Variants in MTMR9 observed in about 807,000 individuals in gnomAD.
The protein encoded by MTMR9 is myotubularin-related protein 9.
In MTMR9, 39 loss-of-function variants were observed where a neutral mutation model predicts 69.5. That is an observed-to-expected ratio of 0.56 (90% CI 0.43 to 0.73). The LOEUF (loss-of-function observed/expected upper bound fraction) is 0.73. Among genes scored for constraint, MTMR9 ranks in the 30% least tolerant of loss-of-function variants. The pLI is 0.00. For synonymous variants in MTMR9, 354 were observed against 240.8 expected, an observed-to-expected ratio of 1.47 and a Z score of -4.35; for missense variants, 900 against 671.2, an observed-to-expected ratio of 1.34 and a Z score of -3.77.
At position 11,284,948 on chromosome 8, in the gene MTMR9, T is replaced by A; in HGVS notation, c.60T>A (p.Pro20=). The change falls in exon 1 of 10, where the codon CCT becomes CCA. Residue 20 remains proline, a synonymous_variant. Transcript: ENST00000221086. ...TGGACAATGTGGTGCTGCACCGGCC[T>A]TTCTACCCGGCTGTCGAGGGCACCC... ...PRVDNVVLHR[P]FYPAVEGTLC... is the part of the protein sequence containing the mutation. 2.5e-6 allele frequency: 4 copies of A among 1,613,888 alleles called. No individual in the cohort carries two copies. The highest frequency in any genetic ancestry group is 3.4e-6 in the Non-Finnish European group (4 of 1,179,934).
At chr8:11,303,548 T>A (rs979729256) in intron 3 of MTMR9, among the ~76,000 whole-genome samples, 1 of 152,116 alleles carries the variant, frequency 6.6e-6, no homozygotes, top group Non-Finnish European at 1.5e-5. Flanking sequence ...AATTAATTAT[T>A]TTTTGAAACA....
At chr8:11,331,569 G>A (rs774691176), downstream of MTMR9, 26 of 1,613,712 alleles carry the variant, frequency 1.6e-5, no homozygotes, top group Middle Eastern at 1.6e-4. Context: ...CCAGGGTCTC[G>A]GTGGCTACGA....
At chr8:11,291,559 C>G (rs1052093850) in intron 1 of MTMR9, among the ~76,000 whole-genome samples, 1 of 151,970 alleles carries the variant, frequency 6.6e-6, no homozygotes, top group Non-Finnish European at 1.5e-5. Context: ...GCCCACTGTT[C>G]TATAAGTAAC....
Position 11,319,782 on chromosome 8 carries a change from C to G in MTMR9, c.1430C>G (p.Ala477Gly), listed in dbSNP as rs1207281756. 2 of 1,614,170 alleles carry G rather than the reference C, an allele frequency of 1.2e-6. No homozygotes were observed. The highest frequency in any genetic ancestry group is 1.3e-5 in the African/African-American group (1 of 75,042). Reference protein sequence around the residue: ...LSKFTNPLFEANNLVIWPSVA... With the variant: ...LSKFTNPLFEGNNLVIWPSVA... ...AAATTCACCAATCCCCTCTTTGAAG[C>G]CAACAACCTTGTCATCTGGCCTTCA... Residue 477 changes from alanine (A) to glycine (G), a missense_variant, in exon 9 of 10, where the codon GCC becomes GGC. Transcript: ENST00000221086.
chr8:11,331,431 C>A, downstream of MTMR9: 1 of 1,614,038 alleles, frequency 6.2e-7, no homozygotes, highest in African/African-American at 1.3e-5. Flanking sequence ...CTTCTGTGCC[C>A]TGCTCAACGT....
At chr8:11,286,132 T>C (rs953601675) in intron 1 of MTMR9, among the ~76,000 whole-genome samples, 1 of 151,660 alleles carries the variant, frequency 6.6e-6, no homozygotes, top group Non-Finnish European at 1.5e-5. Flanking sequence ...TTTGTATTTT[T>C]TAGTAGAGAT....
chr8:11,316,957 C>G (rs1800446643), intron 8 of MTMR9, 64 bp downstream of exon 8: 1 of 1,109,050 alleles, frequency 9.0e-7, no homozygotes, highest in African/African-American at 1.6e-5. Context: ...CCTAAGTAGC[C>G]AGAATCTCCT....
the MTMR9 span, among the ~76,000 whole-genome samples, chr8:11,336,554 T>C: frequency 1.3e-5 from 2 of 152,274 alleles, no homozygotes; most frequent in African/African-American, 4.8e-5. Flanking sequence ...TACAATTTCC[T>C]GGGCAGCCAG....
intron 1 of MTMR9, among the ~76,000 whole-genome samples, chr8:11,294,193 A>C (rs777699622): frequency 6.6e-6 from 1 of 152,178 alleles, no homozygotes; most frequent in Non-Finnish European, 1.5e-5. Context: ...AAATAAAGGT[A>C]GTTTTACTTC....
chr8:11,325,981 A>G lies in MTMR9; in HGVS notation c.*3193A>G, dbSNP rs1026950486. On this transcript the variant is annotated 3_prime_UTR_variant, in exon 10 of 10. Transcript: ENST00000221086. ...TTTTTAAACATTTCTTTGAACTTTG[A>G]GGCCTGATTTAGGGGTGGGATTTTA... 3 of 152,292 alleles carry G rather than the reference A, an allele frequency of 2.0e-5. No homozygotes were observed. The East Asian group carries it at 5.8e-4, about 29-fold the overall frequency. 9.4% of individuals were successfully genotyped at this position (152,292 alleles called of 1,614,324 possible).
At chr8:11,299,397 T>C (rs1416425932) in intron 2 of MTMR9, among the ~76,000 whole-genome samples, 1 of 152,214 alleles carries the variant, frequency 6.6e-6, no homozygotes, top group African/African-American at 2.4e-5. Context: ...ACACACATTA[T>C]CTCTCTTAAT....
chr8:11,322,578 T>TTGTA, intron 9 of MTMR9, 47 bp from the exon 10 acceptor site: 6 of 1,517,278 alleles, frequency 4.0e-6, no homozygotes, highest in Non-Finnish European at 5.4e-6. Flanking sequence ...TTTTAATCCA[T>TTGTA]TGTATATACC....
At position 11,319,704 on chromosome 8, in the gene MTMR9, A is replaced by G; in HGVS notation, c.1352A>G (p.Gln451Arg). The G allele has an allele frequency of 6.2e-7, 1 of 1,613,922 alleles. No homozygotes were observed. Among genetic ancestry groups the G allele is most frequent in the Non-Finnish European group, 8.5e-7 (1 of 1,180,010 alleles). The change falls in exon 9 of 10, where the codon CAG becomes CGG. Residue 451 changes from glutamine to arginine, a missense_variant. Gln to Arg is a conservative substitution (Grantham distance 43). Transcript: ENST00000221086. The part of the protein sequence containing the change: ...NESERCKLKL[Q>R]QKTMSLWSWV... Reference sequence around the variant, plus strand: ...TTGATCAGATGTAAGTTGAAGCTACAGCAGAAGACGATGTCTTTGTGGTCC... The same window carrying G: ...TTGATCAGATGTAAGTTGAAGCTACGGCAGAAGACGATGTCTTTGTGGTCC...
chr8:11,318,831 C>G (rs1331733995), intron 8 of MTMR9: 1 of 152,036 alleles, frequency 6.6e-6, no homozygotes, highest in African/African-American at 2.4e-5. Flanking sequence ...TCCCTAAAAG[C>G]TAAGTCTCTA....
chr8:11,299,213 C>G (rs1306139204), intron 2 of MTMR9, among the ~76,000 whole-genome samples: 1 of 152,028 alleles, frequency 6.6e-6, no homozygotes, highest in Non-Finnish European at 1.5e-5. Flanking sequence ...ACCTGTAATC[C>G]CAGCTACTCA....
chr8:11,336,643 A>G, the MTMR9 span, among the ~76,000 whole-genome samples: 1 of 152,196 alleles, frequency 6.6e-6, no homozygotes, highest in Non-Finnish European at 1.5e-5. Context: ...AAAGTAAGCA[A>G]ATATACCCTT....
In MTMR9 at chr8:11,309,607, G is replaced by A; in HGVS notation, c.890G>A (p.Ser297Asn). ...ACACATAACATGGACCGATGGCTCA[G>A]TAAATTGGAGGCCTCTAACTGGCTG... Reference protein sequence around the residue: ...DQTHNMDRWLSKLEASNWLTH... With the variant: ...DQTHNMDRWLNKLEASNWLTH... Residue 297 changes from serine (S) to asparagine (N), a missense_variant, in exon 6 of 10, where the codon AGT (serine) becomes AAT (asparagine). Coordinates refer to ENST00000221086, the MANE Select transcript of MTMR9 (RefSeq NM_015458.4). 2.5e-6 allele frequency: 4 copies of A among 1,613,970 alleles called. No individual in the cohort carries two copies. Among genetic ancestry groups the A allele is most frequent in the Non-Finnish European group, 3.4e-6 (4 of 1,179,892 alleles).
At chr8:11,307,091 G>T (rs1799967194) in intron 5 of MTMR9, among the ~76,000 whole-genome samples, 1 of 151,754 alleles carries the variant, frequency 6.6e-6, no homozygotes, top group South Asian at 2.1e-4. Context: ...TATTTTTTTG[G>T]GATGGAGTCT....
chr8:11,297,518 T>C lies in MTMR9; in HGVS notation c.291+2216T>C, dbSNP rs528176821. On this transcript the variant is annotated intron_variant, in intron 2 of 9. Coordinates refer to ENST00000221086, the MANE Select transcript of MTMR9 (RefSeq NM_015458.4). Reference sequence around the variant, plus strand: ...CACTTCCATTGAGCATGTATGTGTTTGTGGGTTTTGTGGTTTTTTTTTTTT... The same window carrying C: ...CACTTCCATTGAGCATGTATGTGTTCGTGGGTTTTGTGGTTTTTTTTTTTT... 2.1e-4 allele frequency among the ~76,000 whole-genome samples: 32 copies of C among 151,148 alleles called. No homozygotes were observed. The South Asian group carries it at 6.0e-3, about 28-fold the overall frequency.
Sources: gnomAD v4.1 joint callset for allele counts (sites outside exome capture counted in the v4.1 genomes callset) on GRCh38, gnomAD v4.1.1 for gene constraint, MANE v1.5 for transcripts, NCBI Gene and HGNC (gene_info 2026-07-23, HGNC 2026-07-21) for gene names.